Variants in LIMCH1 observed in about 807,000 individuals in gnomAD.
The protein encoded by LIMCH1 is LIM and calponin homology domains 1.
LIMCH1 carries 113 observed loss-of-function variants against 176.5 expected under a neutral mutation model. That is an observed-to-expected ratio of 0.64 (90% CI 0.55 to 0.75). LIMCH1 has a LOEUF of 0.75. LIMCH1 is among the 30% of genes least tolerant of loss of function. The pLI, the probability that LIMCH1 is intolerant of heterozygous loss-of-function variation, is 0.00. For synonymous variants in LIMCH1, 619 were observed against 645.9 expected (o/e 0.96, Z 0.63); for missense variants, 1,674 against 1,814.9 (o/e 0.92, Z 1.41).
chr4:41,392,304 A>C lies in LIMCH1; in HGVS notation c.96+31368A>C, dbSNP rs2057339509. On this transcript the variant is annotated intron_variant, in intron 1 of 26. Transcript: ENST00000313860. ...CTATGGAAAAAATAAAGCAGGAAAG[A>C]AAGTATTGGAGGGTTGATAAAAGTT... Among the ~76,000 whole-genome samples the C allele has an allele frequency of 2.6e-5, 4 of 152,204 alleles. No homozygotes were observed. In the South Asian group the frequency reaches 8.3e-4, roughly 32 times the overall value.
upstream of LIMCH1, among the ~76,000 whole-genome samples, chr4:41,536,515 TTAAG>T (rs537823874): frequency 2.0e-3 from 301 of 152,338 alleles, 1 homozygote; most frequent in Non-Finnish European, 2.9e-3. Flanking sequence ...TATATTCAGT[TTAAG>T]TTTTTGATTT....
Position 41,454,217 on chromosome 4 carries a change from A to G in LIMCH1, c.97-40319A>G, listed in dbSNP as rs372917325. ...ATGTAATGTTTTTATCCACTGCTAC[A>G]ATGTAAATCTCTTCCAGGACTGGGA... On this transcript the variant is annotated intron_variant, in intron 1 of 26. Transcript: ENST00000313860. Among the ~76,000 whole-genome samples, 24 of 152,282 alleles carry G rather than the reference A, an allele frequency of 1.6e-4. No individual in the cohort carries two copies. In the East Asian group the frequency reaches 2.1e-3, roughly 13 times the overall value.
intron 4 of LIMCH1, chr4:41,609,687 C>G (rs1195957561): frequency 2.2e-6 from 1 of 455,714 alleles, no homozygotes. Context: ...TTTCATGAAG[C>G]TAGTAGTTCT....
At position 41,430,099 on chromosome 4, in the gene LIMCH1, G is replaced by A. The variant is rs574523245; in HGVS notation, c.97-64437G>A. Reference sequence around the variant, plus strand: ...ATTCCTAATACAGTATAGACGTTACGTAAGTCAAATACCATAATAGAGTCT... The same window carrying A: ...ATTCCTAATACAGTATAGACGTTACATAAGTCAAATACCATAATAGAGTCT... On this transcript the variant is annotated intron_variant, in intron 1 of 26. Transcript: ENST00000313860. 7.9e-5 allele frequency among the ~76,000 whole-genome samples: 12 copies of A among 152,248 alleles called. No homozygotes were observed. The South Asian group carries it at 1.0e-3, about 13-fold the overall frequency.
Position 41,375,435 on chromosome 4 carries a change from C to T in LIMCH1, c.96+14499C>T, listed in dbSNP as rs575211328. ...TGATTAAAAAAATAAAGATGTTCATCCTGGGTACTTCAACTCTCCTTTCTT... is the reference window on the plus strand; with the variant it reads ...TGATTAAAAAAATAAAGATGTTCATTCTGGGTACTTCAACTCTCCTTTCTT... On this transcript the variant is annotated intron_variant, in intron 1 of 26. Transcript: ENST00000313860. 4.6e-3 allele frequency among the ~76,000 whole-genome samples: 696 copies of T among 152,218 alleles called. 13 individuals are homozygous for T. Among genetic ancestry groups the T allele is most frequent in the African/African-American group, 0.016 (673 of 41,524 alleles).
chr4:41,626,896 T>G lies in LIMCH1; in HGVS notation c.914T>G (p.Val305Gly). Reference sequence around the variant, plus strand: ...AGGATGAACCAAACCAAGCCAATGGTGCCATTAAATCAACTCCTCTATGGC... The same window carrying G: ...AGGATGAACCAAACCAAGCCAATGGGGCCATTAAATCAACTCCTCTATGGC... The part of the protein sequence containing the change: ...RARMNQTKPM[V>G]PLNQLLYGPY... Residue 305 changes from valine (V) to glycine (G), a missense_variant, in exon 8 of 32, where the codon GTG becomes GGG. Transcript: ENST00000503057. 1 of 1,536,104 alleles carries G rather than the reference T, an allele frequency of 6.5e-7. No homozygotes were observed. The highest frequency in any genetic ancestry group is 8.7e-7 in the Non-Finnish European group (1 of 1,146,910).
chr4:41,660,819 T>C (rs1436731028), intron 18 of LIMCH1, among the ~76,000 whole-genome samples: 5 of 152,060 alleles, frequency 3.3e-5, no homozygotes, highest in Non-Finnish European at 7.4e-5. Flanking sequence ...GAAAACAGGG[T>C]CCAGTTGAAA....
chr4:41,509,314 A>G (rs890405981), intron 2 of LIMCH1, among the ~76,000 whole-genome samples: 1 of 152,164 alleles, frequency 6.6e-6, no homozygotes, highest in Admixed American at 6.5e-5. Context: ...GTAGATGATT[A>G]GATGGAGACC....
chr4:41,420,778 C>G (rs145659485), intron 1 of LIMCH1, among the ~76,000 whole-genome samples: 1 of 152,248 alleles, frequency 6.6e-6, no homozygotes, highest in African/African-American at 2.4e-5. Flanking sequence ...ATGGCTTTGG[C>G]CTGGAAATTT....
intron 1 of LIMCH1, among the ~76,000 whole-genome samples, chr4:41,416,607 G>A (rs2059955515): frequency 6.8e-6 from 1 of 147,926 alleles, no homozygotes; most frequent in Non-Finnish European, 1.5e-5. Flanking sequence ...GCAGTGAGTC[G>A]AGATCATGCC....
intron 4 of LIMCH1, among the ~76,000 whole-genome samples, chr4:41,610,500 A>G (rs2091294610): frequency 1.3e-5 from 2 of 152,224 alleles, no homozygotes; most frequent in African/African-American, 2.4e-5. Context: ...TATGATTTGT[A>G]TATATTGAAA....
chr4:41,644,061 TAC>T (rs1453315663), intron 14 of LIMCH1, among the ~76,000 whole-genome samples: 1 of 152,132 alleles, frequency 6.6e-6, no homozygotes, highest in African/African-American at 2.4e-5. Context: ...TTTAACGTAA[TAC>T]AGTTTTACTT....
At chr4:41,677,646 C>T (rs1711982839) in intron 23 of LIMCH1, among the ~76,000 whole-genome samples, 1 of 152,138 alleles carries the variant, frequency 6.6e-6, no homozygotes, top group Non-Finnish European at 1.5e-5. Flanking sequence ...CTTCATTTAT[C>T]CTCAAACAGC....
intron 1 of LIMCH1, among the ~76,000 whole-genome samples, chr4:41,565,082 A>G (rs1254084514): frequency 6.6e-6 from 1 of 152,176 alleles, no homozygotes; most frequent in African/African-American, 2.4e-5. Context: ...AATTAAAAAC[A>G]AATAAGAGAA....
At chr4:41,512,292 C>T (rs1490533049) in intron 2 of LIMCH1, among the ~76,000 whole-genome samples, 1 of 151,966 alleles carries the variant, frequency 6.6e-6, no homozygotes, top group Non-Finnish European at 1.5e-5. Flanking sequence ...AACTTTCATG[C>T]ATTACTTGCA....
intron 1 of LIMCH1, among the ~76,000 whole-genome samples, chr4:41,430,172 AT>A (rs1050831039): frequency 6.6e-6 from 1 of 152,212 alleles, no homozygotes; most frequent in Admixed American, 6.5e-5. Context: ...GAGAAATTAT[AT>A]TTTTTGGGGG....
chr4:41,540,809 C>T (rs2078537806), intron 1 of LIMCH1, among the ~76,000 whole-genome samples: 1 of 152,218 alleles, frequency 6.6e-6, no homozygotes, highest in Admixed American at 6.5e-5. Flanking sequence ...TTGCCAGGTA[C>T]TAACCATATT....
At chr4:41,467,425 A>G (rs766707991) in intron 1 of LIMCH1, among the ~76,000 whole-genome samples, 2 of 152,204 alleles carry the variant, frequency 1.3e-5, no homozygotes, top group Non-Finnish European at 2.9e-5. Flanking sequence ...ACAGTTCCAC[A>G]TGGCTGGGAG....
At chr4:41,509,450 T>G (rs2074576623) in intron 2 of LIMCH1, among the ~76,000 whole-genome samples, 1 of 152,224 alleles carries the variant, frequency 6.6e-6, no homozygotes, top group African/African-American at 2.4e-5. Flanking sequence ...CTTAGCAGAC[T>G]GGGAAGAATT....
Sources: allele counts gnomAD v4.1 joint callset (sites outside exome capture counted in the v4.1 genomes callset), GRCh38; gene constraint gnomAD v4.1.1; transcripts MANE v1.5; gene names NCBI Gene and HGNC (gene_info 2026-07-23, HGNC 2026-07-21).